MCM9: variants seen among roughly 807,000 people sequenced by gnomAD.
The protein encoded by MCM9 is minichromosome maintenance 9 homologous recombination repair factor.
MCM9 carries 55 observed loss-of-function variants against 72.8 expected under a neutral mutation model. The observed-to-expected ratio is 0.76, with a 90% CI of 0.61 to 0.95. The LOEUF (loss-of-function observed/expected upper bound fraction) is 0.95, where lower values mean the gene tolerates loss of function less well. Among genes scored for constraint, MCM9 ranks in the 40% least tolerant of loss-of-function variants. The probability of loss-of-function intolerance (pLI) is 0.00; values close to 1 mark genes in which losing one functional copy is unlikely to be tolerated. For synonymous variants in MCM9, 480 were observed against 503.4 expected (o/e 0.95, Z 0.62); for missense variants, 1,279 against 1,377.0 (o/e 0.93, Z 1.13).
intron 11 of MCM9, 56 bp from the exon 12 acceptor site, chr6:118,826,920 TC>T: frequency 7.4e-7 from 1 of 1,354,802 alleles, no homozygotes; most frequent in Non-Finnish European, 1.0e-6. Context: ...GAAATGTAAT[TC>T]TCTAACTTCC....
chr6:118,826,353 C>T, intron 12 of MCM9, 61 bp from the exon 13 acceptor site: 2 of 1,485,734 alleles, frequency 1.3e-6, no homozygotes, highest in Non-Finnish European at 1.8e-6. Flanking sequence ...GGTAAGTACA[C>T]TCTAGGGACC....
intron 6 of MCM9, among the ~76,000 whole-genome samples, chr6:118,916,969 TG>T (rs1169945625): frequency 1.3e-5 from 2 of 152,230 alleles, no homozygotes; most frequent in Admixed American, 1.3e-4. Context: ...AACAGGCACT[TG>T]AAGATTTAAT....
At chr6:118,924,843 A>T (rs1488125243) in intron 3 of MCM9, among the ~76,000 whole-genome samples, 4 of 152,200 alleles carry the variant, frequency 2.6e-5, no homozygotes, top group Non-Finnish European at 5.9e-5. Flanking sequence ...CAGGAGTTCA[A>T]GACTAGCCTG....
intron 9 of MCM9, among the ~76,000 whole-genome samples, chr6:118,830,073 A>T (rs1225072617): frequency 3.3e-5 from 5 of 152,162 alleles, no homozygotes; most frequent in African/African-American, 1.2e-4. Flanking sequence ...TCCTAAATGG[A>T]GCGTGGCAGG....
At chr6:118,838,393 T>C (rs1308837292) in intron 9 of MCM9, among the ~76,000 whole-genome samples, 2 of 150,432 alleles carry the variant, frequency 1.3e-5, no homozygotes, top group Non-Finnish European at 3.0e-5. Flanking sequence ...TCTCCTGACC[T>C]TGTGATTCTC....
chr6:118,910,931 C>T, intron 8 of MCM9: 11 of 985,236 alleles, frequency 1.1e-5, no homozygotes, highest in Non-Finnish European at 1.3e-5. Flanking sequence ...AATCTGACTC[C>T]CTTAACAAGT....
chr6:118,893,937 G>GCCTCCCCGCCGCGGCCACGCCC lies in MCM9; in HGVS notation c.1150+17691_1150+17712dup, dbSNP rs1482389180. On this transcript the variant is annotated intron_variant, in intron 8 of 13. Coordinates refer to ENST00000619706, the MANE Select transcript of MCM9 (RefSeq NM_017696.3). ...GATCGCGCCCTCCCGCCGCAGCCAC[G>GCCTCCCCGCCGCGGCCACGCCC]CCTCCCCGCCGCGGCCACGCCCCCT... 5.8e-6 allele frequency: 5 copies of GCCTCCCCGCCGCGGCCACGCCC among 864,662 alleles called. No individual in the cohort carries two copies. The African/African-American group carries it at 9.2e-5, about 16-fold the overall frequency. The allele number at this position is 864,662 out of a possible 1,614,324, so 53.6% of individuals were successfully genotyped here.
At chr6:118,934,519 GC>G (rs1357502401) in intron 1 of MCM9, 1 of 151,780 alleles carries the variant, frequency 6.6e-6, no homozygotes, top group African/African-American at 2.4e-5. Context: ...CGGGAGCCCC[GC>G]CCCCTCCGCG....
At position 118,845,903 on chromosome 6, in the gene MCM9, A is replaced by G. The variant is rs558168856; in HGVS notation, c.1325+10468T>C. Among the ~76,000 whole-genome samples, 4 of 151,932 alleles carry G rather than the reference A, an allele frequency of 2.6e-5. No individual in the cohort carries two copies. In the South Asian group the frequency reaches 8.3e-4, roughly 31 times the overall value. On this transcript the variant is annotated intron_variant, in intron 9 of 13. Coordinates refer to ENST00000619706, the MANE Select transcript of MCM9 (RefSeq NM_017696.3). ...TAAGTCTTCCTTGTACTAATTTTAA[A>G]TATGCTTCCCTGAACCTTCCAGCCA...
intron 8 of MCM9, among the ~76,000 whole-genome samples, chr6:118,883,509 T>A (rs1158268771): frequency 6.6e-6 from 1 of 152,114 alleles, no homozygotes; most frequent in Non-Finnish European, 1.5e-5. Context: ...GTAGGATATA[T>A]GTTTTAAAAA....
At chr6:118,826,599 C>G (rs1323691225) in intron 12 of MCM9, among the ~76,000 whole-genome samples, 183 bp downstream of exon 12, 1 of 152,174 alleles carries the variant, frequency 6.6e-6, no homozygotes, top group African/African-American at 2.4e-5. Context: ...ACCCATGCAG[C>G]AAATATCTCC....
chr6:118,826,938 T>A, intron 11 of MCM9, 74 bp from the exon 12 acceptor site: 1 of 1,168,056 alleles, frequency 8.6e-7, no homozygotes, highest in Admixed American at 2.2e-5. Context: ...TTCCTCCTCC[T>A]CACCATTTGT....
At chr6:118,893,162 C>A (rs1042821088) in intron 8 of MCM9, among the ~76,000 whole-genome samples, 1 of 152,188 alleles carries the variant, frequency 6.6e-6, no homozygotes, top group Admixed American at 6.5e-5. Flanking sequence ...TCTCTTTCCC[C>A]GCAATGGTAG....
At position 118,880,029 on chromosome 6, in the gene MCM9, AAAAC is replaced by A. The variant is rs542062706; in HGVS notation, c.1151-23488_1151-23485del. ...CCTGGGCGACAGAGTGAGAGTGCAC[AAAAC>A]AAACAAACAAACAACAACAAAAAAA... On this transcript the variant is annotated intron_variant, in intron 8 of 13. Transcript: ENST00000619706. 2.4e-3 allele frequency among the ~76,000 whole-genome samples: 367 copies of A among 151,912 alleles called. 3 individuals carry two copies. Among genetic ancestry groups the A allele is most frequent in the African/African-American group, 7.6e-3 (316 of 41,366 alleles).
intron 8 of MCM9, among the ~76,000 whole-genome samples, chr6:118,907,040 A>G (rs1780230354): frequency 6.6e-6 from 1 of 152,214 alleles, no homozygotes; most frequent in Non-Finnish European, 1.5e-5. Flanking sequence ...TTGAAAACAT[A>G]CCAATCTAAA....
At chr6:118,874,570 C>T (rs981675729) in intron 8 of MCM9, among the ~76,000 whole-genome samples, 1 of 152,140 alleles carries the variant, frequency 6.6e-6, no homozygotes, top group Non-Finnish European at 1.5e-5. Context: ...CAACTTTGTA[C>T]TCCAAGTCTT....
intron 10 of MCM9, 39 bp from the exon 11 acceptor site, chr6:118,828,169 C>G: frequency 6.9e-7 from 1 of 1,441,954 alleles, no homozygotes; most frequent in Non-Finnish European, 9.4e-7. Context: ...GTTCTTAGGA[C>G]AGGCAAACAT....
chr6:118,853,913 TCC>T (rs1776390515), intron 9 of MCM9, among the ~76,000 whole-genome samples: 1 of 152,190 alleles, frequency 6.6e-6, no homozygotes, highest in Non-Finnish European at 1.5e-5. Context: ...TCCATTTAAG[TCC>T]TTTTTAATTT....
At chr6:118,859,714 A>G (rs1267099422) in intron 8 of MCM9, among the ~76,000 whole-genome samples, 1 of 152,222 alleles carries the variant, frequency 6.6e-6, no homozygotes, top group African/African-American at 2.4e-5. Flanking sequence ...AGATGAGAGT[A>G]AAATCTACTC....
Sources: allele counts gnomAD v4.1 joint callset (sites outside exome capture counted in the v4.1 genomes callset), GRCh38; gene constraint gnomAD v4.1.1; transcripts MANE v1.5; gene names NCBI Gene and HGNC (gene_info 2026-07-23, HGNC 2026-07-21).